THADA: variants seen among roughly 807,000 people sequenced by gnomAD.
THADA encodes the protein THADA armadillo repeat containing.
In THADA, 213 loss-of-function variants were observed where a neutral mutation model predicts 219.8. That is an observed-to-expected ratio of 0.97 (90% confidence interval 0.87 to 1.09). The LOEUF (loss-of-function observed/expected upper bound fraction) is 1.09, where lower values mean the gene tolerates loss of function less well. THADA is among the 50% of genes least tolerant of loss of function. The pLI, the probability that THADA is intolerant of heterozygous loss-of-function variation, is 0.00. For synonymous variants in THADA, 1,018 were observed against 828.9 expected (o/e 1.23, Z -3.92); for missense variants, 2,956 against 2,311.3 (o/e 1.28, Z -5.72).
At chr2:43,411,963 T>C (rs186919896) in intron 28 of THADA, among the ~76,000 whole-genome samples, 2 of 152,306 alleles carry the variant, frequency 1.3e-5, no homozygotes, top group East Asian at 3.9e-4. Flanking sequence ...TAAAGAATAC[T>C]GGTCACATCT....
At chr2:43,487,994 C>T (rs1412455195) in intron 25 of THADA, among the ~76,000 whole-genome samples, 7 of 152,150 alleles carry the variant, frequency 4.6e-5, no homozygotes, top group Admixed American at 2.6e-4. Flanking sequence ...CTGCATTAAT[C>T]ATTTACATCC....
At position 43,287,025 on chromosome 2, in the gene THADA, C is replaced by T. The variant is rs778281864; in HGVS notation, c.5047G>A (p.Val1683Ile). ...ELIAAELKQWVQLVILSCEDH... is the reference protein window; with the variant it reads ...ELIAAELKQWIQLVILSCEDH... ...TCACATGACAAGATGACCAGCTGAA[C>T]CCACTGCTTCAGCTCAGCAGCTATC... Residue 1683 changes from valine to isoleucine, a missense_variant, in exon 35 of 38, where the codon GTT becomes ATT. Coordinates refer to ENST00000405975, the MANE Select transcript of THADA (RefSeq NM_022065.5). The T allele has an allele frequency of 6.8e-6, 11 of 1,613,760 alleles. No homozygotes were observed. The African/African-American group carries it at 1.2e-4, about 18-fold the overall frequency.
intron 22 of THADA, among the ~76,000 whole-genome samples, chr2:43,515,359 AAT>A (rs1412147519): frequency 6.2e-4 from 27 of 43,568 alleles, no homozygotes; most frequent in South Asian, 2.0e-3. Context: ...TTTTATATAT[AAT>A]ATATAATATA....
intron 26 of THADA, among the ~76,000 whole-genome samples, chr2:43,483,964 T>G (rs1686563304): frequency 6.6e-6 from 1 of 151,904 alleles, no homozygotes; most frequent in East Asian, 1.9e-4. Flanking sequence ...TAGACAAAGC[T>G]AAGGAGAAAC....
chr2:43,332,473 G>T (rs6760797), intron 30 of THADA, among the ~76,000 whole-genome samples: 1 of 151,890 alleles, frequency 6.6e-6, no homozygotes, highest in Non-Finnish European at 1.5e-5. Flanking sequence ...GACAATTATC[G>T]TTCATTCATA....
At chr2:43,349,189 G>A (rs893912160) in intron 29 of THADA, among the ~76,000 whole-genome samples, 1 of 152,200 alleles carries the variant, frequency 6.6e-6, no homozygotes, top group Non-Finnish European at 1.5e-5. Context: ...GGAATGCACT[G>A]CAGGAGGGTG....
chr2:43,590,891 A>C lies in THADA; in HGVS notation c.235T>G (p.Leu79Val). 2 of 1,613,846 alleles carry C rather than the reference A, an allele frequency of 1.2e-6. No individual in the cohort carries two copies. The highest frequency in any genetic ancestry group is 1.7e-6 in the Non-Finnish European group (2 of 1,179,802). Residue 79 changes from leucine (L) to valine (V), a missense_variant, in exon 4 of 38, where the codon TTG (leucine) becomes GTG (valine). Physicochemically the swap from Leu to Val is conservative, Grantham distance 32. Transcript: ENST00000405975. The stretch of plus-strand genomic sequence containing the variant: ...AGATAAATGCCTGCTAAGATATCCA[A>C]ACAACTTTGAATAGTGGGATCACAC... The part of the protein sequence containing the change: ...GMCDPTIQSC[L>V]DILAGIYLSL...
At chr2:43,527,522 C>A (rs1275101312) in intron 22 of THADA, among the ~76,000 whole-genome samples, 2 of 151,994 alleles carry the variant, frequency 1.3e-5, no homozygotes, top group African/African-American at 2.4e-5. Flanking sequence ...GTAATACAAA[C>A]CCCAAAAATT....
chr2:43,547,846 A>C (rs1173352256), intron 20 of THADA, among the ~76,000 whole-genome samples: 1 of 152,176 alleles, frequency 6.6e-6, no homozygotes, highest in African/African-American at 2.4e-5. Context: ...TGATCATCTG[A>C]AGCCTTCTTC....
chr2:43,578,466 A>G (rs1270493343), intron 9 of THADA, 47 bp downstream of exon 9: 1 of 1,479,352 alleles, frequency 6.8e-7, no homozygotes, highest in Non-Finnish European at 9.4e-7. Context: ...TTTTAAACAT[A>G]CCCTAACTCT....
intron 7 of THADA, among the ~76,000 whole-genome samples, chr2:43,584,188 CT>C (rs1025962414): frequency 6.6e-6 from 1 of 151,888 alleles, no homozygotes; most frequent in Non-Finnish European, 1.5e-5. Context: ...CAGGAAAAGA[CT>C]TTTTTAAAAA....
rs1198411321 is a variant in THADA, at chr2:43,430,192, C to G, written c.3926+21G>C. The G allele has an allele frequency of 4.5e-6, 6 of 1,327,076 alleles. No individual in the cohort carries two copies. The African/African-American group carries it at 9.1e-5, about 20-fold the overall frequency. 82.2% of individuals were successfully genotyped at this position (1,327,076 alleles called of 1,614,324 possible). On this transcript the variant is annotated intron_variant, in intron 27 of 37. Transcript: ENST00000405975. ...ATTCACATCCTTGAGGTCATTTTGC[C>G]CCACCCAATTCTCTTCTTACCTGTC...
intron 7 of THADA, among the ~76,000 whole-genome samples, chr2:43,582,600 C>G (rs1211283209): frequency 6.9e-6 from 1 of 145,146 alleles, no homozygotes; most frequent in East Asian, 2.0e-4. Flanking sequence ...CAGAGTCTCC[C>G]CCTCTGTCAC....
chr2:43,462,424 A>G (rs1683744060), intron 26 of THADA, among the ~76,000 whole-genome samples: 1 of 152,192 alleles, frequency 6.6e-6, no homozygotes, highest in Non-Finnish European at 1.5e-5. Context: ...AGGACTGTAA[A>G]GTCAAGGTAA....
chr2:43,441,752 T>G (rs963040323), intron 26 of THADA, among the ~76,000 whole-genome samples: 3 of 152,240 alleles, frequency 2.0e-5, no homozygotes, highest in African/African-American at 7.2e-5. Flanking sequence ...TAGCCTTACT[T>G]TAAAAGGCCA....
intron 25 of THADA, among the ~76,000 whole-genome samples, chr2:43,498,086 A>C (rs1196478653): frequency 6.6e-6 from 1 of 152,338 alleles, no homozygotes; most frequent in East Asian, 1.9e-4. Context: ...CACCCCACAC[A>C]GTATGGATCA....
At chr2:43,501,831 C>G (rs539642705) in intron 24 of THADA, among the ~76,000 whole-genome samples, 74 of 152,300 alleles carry the variant, frequency 4.9e-4, no homozygotes, top group African/African-American at 1.5e-3. Flanking sequence ...GTAATCCCAG[C>G]TACTCAGGAG....
intron 34 of THADA, among the ~76,000 whole-genome samples, chr2:43,287,832 G>C (rs1325026155): frequency 2.0e-5 from 3 of 152,196 alleles, no homozygotes; most frequent in Non-Finnish European, 2.9e-5. Flanking sequence ...AGGTGATTAA[G>C]TTCTGAAGAC....
In THADA at chr2:43,230,985, C is replaced by T; in HGVS notation, c.5825G>A (p.Arg1942Lys). The T allele has an allele frequency of 1.2e-6, 2 of 1,613,488 alleles. No homozygotes were observed. The highest frequency in any genetic ancestry group is 8.5e-7 in the Non-Finnish European group (1 of 1,179,528). ...TTCTGTTCTTGGAAGAGTTAACTGC[C>T]TCGATTCTGCATAAGAGTCCCAAAC... is the stretch of plus-strand genomic sequence containing the variant. Reference protein sequence around the residue: ...LSVWDSYAESRQLTLPRTEAA... With the variant: ...LSVWDSYAESKQLTLPRTEAA... Residue 1942 changes from arginine (R) to lysine (K), a missense_variant, in exon 38 of 38, where the codon AGG (arginine) becomes AAG (lysine). Transcript: ENST00000405975.
Sources: allele counts gnomAD v4.1 joint callset (sites outside exome capture counted in the v4.1 genomes callset), GRCh38; gene constraint gnomAD v4.1.1; transcripts MANE v1.5; gene names NCBI Gene and HGNC (gene_info 2026-07-23, HGNC 2026-07-21).